The following MSI2 variants were observed in gnomAD, a reference collection of about 807,000 sequenced individuals.
MSI2 encodes musashi RNA binding protein 2.
A neutral mutation model predicts 45.6 loss-of-function variants in MSI2; 17 were observed. That is an observed-to-expected ratio of 0.37 (90% confidence interval 0.26 to 0.56). The LOEUF (loss-of-function observed/expected upper bound fraction) is 0.56, where lower values mean the gene tolerates loss of function less well. Ranked by LOEUF, MSI2 falls within the 20% of genes least tolerant of loss-of-function variation. MSI2 has a pLI of 0.77. For synonymous variants in MSI2, 156 were observed against 158.2 expected (o/e 0.99, Z 0.11); for missense variants, 293 against 444.2 (o/e 0.66, Z 3.06).
intron 6 of MSI2, among the ~76,000 whole-genome samples, chr17:57,489,364 G>A (rs930071843): frequency 4.6e-5 from 7 of 152,160 alleles, no homozygotes; most frequent in Non-Finnish European, 8.8e-5. Context: ...GGAGACTTTG[G>A]GGGTCCAGGA....
chr17:57,419,606 T>C (rs1182753684), intron 6 of MSI2, among the ~76,000 whole-genome samples: 1 of 151,468 alleles, frequency 6.6e-6, no homozygotes, highest in Non-Finnish European at 1.5e-5. Context: ...ACTCCTGACC[T>C]CAGGTGATCC....
chr17:57,533,250 C>T (rs1013293084), intron 7 of MSI2, among the ~76,000 whole-genome samples: 3 of 152,212 alleles, frequency 2.0e-5, no homozygotes, highest in Admixed American at 6.5e-5. Context: ...GGGAGAGAAC[C>T]CAGGACCTAG....
chr17:57,519,267 G>C (rs7211182), intron 6 of MSI2, among the ~76,000 whole-genome samples: 69,350 of 152,098 alleles, frequency 0.46, 16,306 homozygotes, highest in Middle Eastern at 0.55. Context: ...GTATGGGTGT[G>C]TGCATGCAGG....
chr17:57,419,686 C>T (rs1293939749), intron 6 of MSI2, among the ~76,000 whole-genome samples: 1 of 152,128 alleles, frequency 6.6e-6, no homozygotes, highest in Non-Finnish European at 1.5e-5. Flanking sequence ...TAGTACATTT[C>T]TCAACTAGCT....
At chr17:57,690,403 G>T in the MSI2 span, among the ~76,000 whole-genome samples, 1 of 151,036 alleles carries the variant, frequency 6.6e-6, no homozygotes, top group African/African-American at 2.4e-5. Context: ...TTGAGGCCAG[G>T]AGTTCAAGAC....
At chr17:57,265,157 C>T (rs9895389) in intron 5 of MSI2, 25,907 of 152,110 alleles carry the variant, frequency 0.17, 2,326 homozygotes, top group African/African-American at 0.23. Flanking sequence ...CTGGAGTTAG[C>T]GCTGGGGGCC....
chr17:57,468,948 G>A (rs2085383409), intron 6 of MSI2, among the ~76,000 whole-genome samples: 1 of 152,096 alleles, frequency 6.6e-6, no homozygotes, highest in African/African-American at 2.4e-5. Flanking sequence ...TTCCTCCCTT[G>A]AAAGCAGAGG....
chr17:57,493,753 G>T (rs887282016), intron 6 of MSI2, among the ~76,000 whole-genome samples: 41 of 151,896 alleles, frequency 2.7e-4, no homozygotes, highest in Non-Finnish European at 5.1e-4. Flanking sequence ...TTCTTCAGCT[G>T]CCCAAACCAC....
intron 5 of MSI2, among the ~76,000 whole-genome samples, chr17:57,375,732 T>C (rs2083484710): frequency 6.6e-6 from 1 of 152,166 alleles, no homozygotes; most frequent in Admixed American, 6.5e-5. Flanking sequence ...TGGGGGACTC[T>C]GAGATACAGC....
chr17:57,316,276 C>T (rs987256283), intron 5 of MSI2, among the ~76,000 whole-genome samples: 4 of 151,856 alleles, frequency 2.6e-5, no homozygotes, highest in African/African-American at 4.8e-5. Flanking sequence ...CTTAGCCAGT[C>T]CCTCACTTTA....
intron 6 of MSI2, among the ~76,000 whole-genome samples, chr17:57,415,169 G>A (rs1325263016): frequency 3.9e-5 from 6 of 152,112 alleles, no homozygotes; most frequent in Admixed American, 3.9e-4. Context: ...GATGGGCATC[G>A]GGCAGTTTCT....
chr17:57,615,442 T>C (rs1439539432), intron 8 of MSI2, among the ~76,000 whole-genome samples: 1 of 152,128 alleles, frequency 6.6e-6, no homozygotes, highest in East Asian at 1.9e-4. Context: ...ACACAAAACT[T>C]CTGATGCTCT....
At chr17:57,358,896 T>A (rs1916631716) in intron 5 of MSI2, among the ~76,000 whole-genome samples, 2 of 151,912 alleles carry the variant, frequency 1.3e-5, no homozygotes, top group African/African-American at 4.8e-5. Flanking sequence ...TTTTGAGGAG[T>A]GTTCCTCATA....
In MSI2 at chr17:57,280,333, G is replaced by A. The variant is rs1234696004; in HGVS notation, c.312+18141G>A. On this transcript the variant is annotated intron_variant, in intron 5 of 13. Coordinates refer to ENST00000284073, the MANE Select transcript of MSI2 (RefSeq NM_138962.4). This position sits in a 1 kb window ranked among gnomAD's most constrained non-coding sequence, Gnocchi z 4.2. ...CAGTCTACACGAAAAGTGGCTTGTGGGTACCCCAGGGGGCTGTGGGGGAAT... is the reference window on the plus strand; with the variant it reads ...CAGTCTACACGAAAAGTGGCTTGTGAGTACCCCAGGGGGCTGTGGGGGAAT... Among the ~76,000 whole-genome samples the A allele has an allele frequency of 6.6e-6, 1 of 152,204 alleles. No homozygotes were observed. The highest frequency in any genetic ancestry group is 1.5e-5 in the Non-Finnish European group (1 of 68,032).
intron 6 of MSI2, among the ~76,000 whole-genome samples, chr17:57,413,371 C>T (rs7218689): frequency 0.15 from 22,769 of 150,074 alleles, 1,924 homozygotes; most frequent in Non-Finnish European, 0.16. Context: ...CCGGCTACCC[C>T]GCTGCTTCCA....
intron 12 of MSI2, among the ~76,000 whole-genome samples, chr17:57,675,607 C>T (rs937047928): frequency 6.6e-6 from 1 of 152,164 alleles, no homozygotes; most frequent in Non-Finnish European, 1.5e-5. Context: ...CCCAGCTCCC[C>T]ACCAGAGTAG....
intron 5 of MSI2, among the ~76,000 whole-genome samples, chr17:57,388,119 C>T (rs1250608152): frequency 6.6e-6 from 1 of 152,076 alleles, no homozygotes; most frequent in African/African-American, 2.4e-5. Flanking sequence ...CCTCTATGGC[C>T]CTCTTAGGTT....
At chr17:57,294,236 G>A (rs965616516) in intron 5 of MSI2, among the ~76,000 whole-genome samples, 8 of 152,124 alleles carry the variant, frequency 5.3e-5, no homozygotes, top group African/African-American at 1.4e-4. Flanking sequence ...GAAGAGATCC[G>A]GTACCTCCTT....
intron 5 of MSI2, among the ~76,000 whole-genome samples, chr17:57,391,325 T>G (rs769866804): frequency 1.3e-5 from 2 of 152,126 alleles, no homozygotes; most frequent in African/African-American, 2.4e-5. Context: ...TTGTTTCAGC[T>G]TGTGTTATTT....
Sources: gnomAD v4.1 joint callset for allele counts (sites outside exome capture counted in the v4.1 genomes callset) on GRCh38, gnomAD v4.1.1 for gene constraint, Gnocchi (gnomAD v3.1) non-coding constraint, MANE v1.5 for transcripts, NCBI Gene and HGNC (gene_info 2026-07-23, HGNC 2026-07-21) for gene names.